Variants in CCN4 observed in about 807,000 individuals in gnomAD.
CCN4 encodes CCN family member 4.
A neutral mutation model predicts 36.7 loss-of-function variants in CCN4; 30 were observed. The ratio of observed to expected loss-of-function variants is 0.82; its 90% CI spans 0.61 to 1.11. CCN4 has a LOEUF of 1.11. Among genes scored for constraint, CCN4 ranks in the 50% least tolerant of loss-of-function variants. CCN4 has a pLI of 0.00. For synonymous variants in CCN4, 191 were observed against 195.4 expected (o/e 0.98, Z 0.19); for missense variants, 505 against 504.9 (o/e 1.00, Z 0.00).
rs59929763 is a variant in CCN4, at chr8:133,224,229, C to CTTTTTTTT, written c.611-1139_611-1132dup. Among the ~76,000 whole-genome samples the CTTTTTTTT allele has an allele frequency of 4.5e-5, 4 of 88,494 alleles. 2 individuals are homozygous for CTTTTTTTT. Among genetic ancestry groups the CTTTTTTTT allele is most frequent in the African/African-American group, 8.9e-5 (2 of 22,448 alleles). The allele number at this position is 88,494 out of a possible 152,430, so 58.1% of individuals were successfully genotyped here. A position where few individuals can be genotyped will look rare whatever the true frequency, so the allele number is the denominator to read the frequency against. On this transcript the variant is annotated intron_variant, in intron 3 of 4. Transcript: ENST00000250160. ...GATTTGAATTTGAAGCCCGTAAGTC[C>CTTTTTTTT]TTTTTTTTTTTTTTTTTTTTTTTTT...
chr8:133,210,859 C>T (rs1853996852), intron 1 of CCN4, among the ~76,000 whole-genome samples: 1 of 152,222 alleles, frequency 6.6e-6, no homozygotes. Flanking sequence ...AGAGTCCGCC[C>T]AGAGAAAGGG....
At chr8:133,207,710 T>G (rs1438466954) in intron 1 of CCN4, among the ~76,000 whole-genome samples, 1 of 152,216 alleles carries the variant, frequency 6.6e-6, no homozygotes, top group Non-Finnish European at 1.5e-5. Flanking sequence ...CCATATAGAA[T>G]GAGCCCTCAC....
chr8:133,199,745 A>G (rs1853519923), intron 1 of CCN4, among the ~76,000 whole-genome samples: 1 of 152,120 alleles, frequency 6.6e-6, no homozygotes, highest in African/African-American at 2.4e-5. Context: ...CTTCCTTGAC[A>G]GCTGTTTCTG....
At chr8:133,202,319 G>A (rs1448037218) in intron 1 of CCN4, among the ~76,000 whole-genome samples, 1 of 152,230 alleles carries the variant, frequency 6.6e-6, no homozygotes, top group Non-Finnish European at 1.5e-5. Context: ...CTCTTGGGCT[G>A]TAGTTTTTGA....
In CCN4 at chr8:133,230,850, A is replaced by C. The variant is rs928895871; in HGVS notation, c.*3140A>C. ...GGAAGGTGCTTTCCTGCCATATCTC[A>C]TTTAATCCTCACAGCAAACCTATAG... On this transcript the variant is annotated 3_prime_UTR_variant, in exon 5 of 5. Transcript: ENST00000250160. 6.6e-6 allele frequency: 1 copy of C among 152,196 alleles called. No homozygotes were observed. The highest frequency in any genetic ancestry group is 1.5e-5 in the Non-Finnish European group (1 of 68,038). 9.4% of individuals were successfully genotyped at this position (152,196 alleles called of 1,614,324 possible).
intron 3 of CCN4, among the ~76,000 whole-genome samples, chr8:133,224,198 C>T (rs1370065105): frequency 1.4e-5 from 2 of 143,230 alleles, no homozygotes; most frequent in African/African-American, 5.2e-5. Context: ...CCAGTTGAAC[C>T]CTGGTGATTT....
chr8:133,218,411 A>C (rs967255760), intron 2 of CCN4, among the ~76,000 whole-genome samples: 1 of 152,166 alleles, frequency 6.6e-6, no homozygotes, highest in African/African-American at 2.4e-5. Flanking sequence ...CGCTGTGGTC[A>C]CCTTGGACGC....
At position 133,220,619 on chromosome 8, in the gene CCN4, TACA is replaced by T. The variant is rs1854483938; in HGVS notation, c.394_396del (p.Asn132del). ...GGGCTGCGTCCTGGATGGGGTGCGC[TACA>T]ACAACGGCCAGTCCTTCCAGCCTAA... On this transcript the variant is annotated inframe_deletion, in exon 3 of 5. Coordinates refer to ENST00000250160, the MANE Select transcript of CCN4 (RefSeq NM_003882.4). 6.2e-7 allele frequency: 1 copy of T among 1,614,162 alleles called. No homozygotes were observed. The highest frequency in any genetic ancestry group is 8.5e-7 in the Non-Finnish European group (1 of 1,179,994).
chr8:133,227,840 T>A lies in CCN4; in HGVS notation c.*130T>A. On this transcript the variant is annotated 3_prime_UTR_variant, in exon 5 of 5. Coordinates refer to ENST00000250160, the MANE Select transcript of CCN4 (RefSeq NM_003882.4). ...GACCCTTGGCCTCCATTTCTGTCTC[T>A]AACCATTCAAATGACGCCTGATGGT... The A allele has an allele frequency of 1.9e-6, 2 of 1,051,032 alleles. No individual in the cohort carries two copies. Among genetic ancestry groups the A allele is most frequent in the Non-Finnish European group, 2.7e-6 (2 of 741,620 alleles). 65.1% of individuals were successfully genotyped at this position (1,051,032 alleles called of 1,614,324 possible). A position where few individuals can be genotyped will look rare whatever the true frequency, so the allele number is the denominator to read the frequency against.
chr8:133,211,333 TTA>T (rs1854021561), intron 1 of CCN4, among the ~76,000 whole-genome samples: 1 of 152,252 alleles, frequency 6.6e-6, no homozygotes, highest in Non-Finnish European at 1.5e-5. Context: ...ATAGGGACTT[TTA>T]ACGCTTATCT....
intron 2 of CCN4, among the ~76,000 whole-genome samples, chr8:133,216,277 T>C (rs1237898527): frequency 3.3e-5 from 5 of 152,172 alleles, no homozygotes; most frequent in Admixed American, 3.3e-4. Flanking sequence ...ACAGGCTAAA[T>C]CTGTCCTTAA....
intron 1 of CCN4, among the ~76,000 whole-genome samples, chr8:133,204,361 A>T (rs1397121854): frequency 6.6e-6 from 1 of 152,238 alleles, no homozygotes; most frequent in African/African-American, 2.4e-5. Context: ...GTCGGTGGGT[A>T]ATGAACATGG....
intron 2 of CCN4, among the ~76,000 whole-genome samples, chr8:133,216,575 G>A (rs1854328885): frequency 6.6e-6 from 1 of 152,212 alleles, no homozygotes; most frequent in African/African-American, 2.4e-5. Flanking sequence ...CACTCTGTGG[G>A]CCAAACTAAA....
rs750730856 is a variant in CCN4 at position 133,225,928 on chromosome 8, C to T, written c.804+345C>T. Among the ~76,000 whole-genome samples the T allele has an allele frequency of 8.5e-4, 130 of 152,126 alleles. 1 individual carries two copies. The highest frequency in any genetic ancestry group is 1.5e-3 in the Non-Finnish European group (104 of 68,028). ...GTGCCAGCCCACCCCCACACAGCAG[C>T]CACACTGGGTGATATAGAGAGCACT... On this transcript the variant is annotated intron_variant, in intron 4 of 4. Coordinates refer to ENST00000250160, the MANE Select transcript of CCN4 (RefSeq NM_003882.4).
At chr8:133,224,988 T>C (rs778687900) in intron 3 of CCN4, among the ~76,000 whole-genome samples, 22 of 151,524 alleles carry the variant, frequency 1.5e-4, no homozygotes, top group Non-Finnish European at 3.1e-4. Context: ...GATTGATGCA[T>C]ACTCAGTAAA....
chr8:133,196,840 C>A (rs1413913340), intron 1 of CCN4, among the ~76,000 whole-genome samples: 1 of 152,176 alleles, frequency 6.6e-6, no homozygotes, highest in Non-Finnish European at 1.5e-5. Flanking sequence ...TGAGTGGATG[C>A]ACCAGCTGCA....
At chr8:133,196,197 C>T (rs114520956) in intron 1 of CCN4, among the ~76,000 whole-genome samples, 1 of 152,172 alleles carries the variant, frequency 6.6e-6, no homozygotes, top group Non-Finnish European at 1.5e-5. Flanking sequence ...TTGCACACAC[C>T]TATGAGGCAG....
intron 3 of CCN4, among the ~76,000 whole-genome samples, chr8:133,221,919 AGGAT>A (rs369465312): frequency 0.018 from 2,676 of 146,898 alleles, 58 homozygotes; most frequent in African/African-American, 0.062. Flanking sequence ...GGATGGATGG[AGGAT>A]GGATGGATGG....
intron 1 of CCN4, 48 bp downstream of exon 1, chr8:133,191,261 T>C (rs779443405): frequency 2.6e-6 from 4 of 1,567,442 alleles, no homozygotes; most frequent in Admixed American, 1.7e-5. Context: ...CTCCCTTCTC[T>C]ACTGGGTCCT....
Sources: gnomAD v4.1 joint callset for allele counts (sites outside exome capture counted in the v4.1 genomes callset) on GRCh38, gnomAD v4.1.1 for gene constraint, MANE v1.5 for transcripts, NCBI Gene and HGNC (gene_info 2026-07-23, HGNC 2026-07-21) for gene names.